Variants in PPFIBP1 observed in about 807,000 individuals in gnomAD.
PPFIBP1 encodes the protein PPFIB scaffold protein 1, also known as liprin-beta-1.
In PPFIBP1, 112 loss-of-function variants were observed where a neutral mutation model predicts 137.8. The ratio of observed to expected loss-of-function variants is 0.81; its 90% CI spans 0.70 to 0.95. The LOEUF (loss-of-function observed/expected upper bound fraction) is 0.95. PPFIBP1 is among the 40% of genes least tolerant of loss of function. PPFIBP1 has a pLI of 0.00. For missense variants in PPFIBP1, 1,083 were observed against 1,196.6 expected, an observed-to-expected ratio of 0.91 and a Z score of 1.40; for synonymous variants, 378 against 417.3, an observed-to-expected ratio of 0.91 and a Z score of 1.15.
intron 1 of PPFIBP1, among the ~76,000 whole-genome samples, chr12:27,569,482 G>C (rs1338393115): frequency 1.3e-5 from 2 of 152,090 alleles, no homozygotes; most frequent in South Asian, 2.1e-4. Context: ...CTGGCTCTCT[G>C]TCAAAAAGTC....
intron 2 of PPFIBP1, among the ~76,000 whole-genome samples, chr12:27,603,431 T>C (rs2054203395): frequency 6.6e-6 from 1 of 152,228 alleles, no homozygotes; most frequent in South Asian, 2.1e-4. Flanking sequence ...GTTTGTATTT[T>C]ATTCTAAAAT....
intron 2 of PPFIBP1, chr12:27,599,406 G>A (rs1279787876): frequency 4.4e-6 from 2 of 455,128 alleles, no homozygotes; most frequent in Non-Finnish European, 8.8e-6. Flanking sequence ...TCAGACTGGA[G>A]CTATACCCTT....
At chr12:27,597,861 GTGGCA>G (rs1489136773) in intron 2 of PPFIBP1, among the ~76,000 whole-genome samples, 2 of 152,126 alleles carry the variant, frequency 1.3e-5, no homozygotes, top group Non-Finnish European at 2.9e-5. Context: ...CTGGAGTGCA[GTGGCA>G]TGATCTCCAG....
intron 10 of PPFIBP1, among the ~76,000 whole-genome samples, chr12:27,659,600 G>T (rs1474796891): frequency 6.6e-6 from 1 of 151,736 alleles, no homozygotes; most frequent in Non-Finnish European, 1.5e-5. Context: ...GTTTGAGGCT[G>T]CAGTGAGCTA....
chr12:27,639,372 G>A lies in PPFIBP1; in HGVS notation c.270+4257G>A, dbSNP rs553950620. Among the ~76,000 whole-genome samples the A allele has an allele frequency of 5.3e-5, 8 of 152,284 alleles. No individual in the cohort carries two copies. In the South Asian group the frequency reaches 1.0e-3, roughly 20 times the overall value. On this transcript the variant is annotated intron_variant, in intron 4 of 29. Transcript: ENST00000228425. ...TTTAAGAAGGAAAATGGAAAAATACGTCTAATTGTTTGAGTTAAGCAAGTA... is the reference window on the plus strand; with the variant it reads ...TTTAAGAAGGAAAATGGAAAAATACATCTAATTGTTTGAGTTAAGCAAGTA...
intron 4 of PPFIBP1, among the ~76,000 whole-genome samples, chr12:27,639,120 G>C (rs1344236108): frequency 6.6e-6 from 1 of 152,120 alleles, no homozygotes; most frequent in Non-Finnish European, 1.5e-5. Flanking sequence ...TTACAGTGAG[G>C]GGACATTAAA....
At chr12:27,578,634 A>G (rs563931349) in intron 2 of PPFIBP1, among the ~76,000 whole-genome samples, 404 of 152,292 alleles carry the variant, frequency 2.7e-3, no homozygotes, top group African/African-American at 9.0e-3. Context: ...TTAATGACCC[A>G]GTAGGCTTAG....
Position 27,694,635 on chromosome 12 carries a change from A to G in PPFIBP1, c.*1753A>G, listed in dbSNP as rs2061693696. 3 of 152,248 alleles carry G rather than the reference A, an allele frequency of 2.0e-5. No homozygotes were observed. Among genetic ancestry groups the G allele is most frequent in the Non-Finnish European group, 4.4e-5 (3 of 68,042 alleles). 9.4% of individuals were successfully genotyped at this position (152,248 alleles called of 1,614,324 possible). ...TAAGATGTAGTTCATGTTTTTCTGT[A>G]GCACTGGGCCCAAATATTCTTTGTA... On this transcript the variant is annotated 3_prime_UTR_variant, in exon 30 of 30. Coordinates refer to ENST00000228425, the MANE Select transcript of PPFIBP1 (RefSeq NM_003622.4).
chr12:27,638,107 T>A (rs12300746), intron 4 of PPFIBP1, among the ~76,000 whole-genome samples: 89,261 of 151,852 alleles, frequency 0.59, 26,768 homozygotes, highest in Admixed American at 0.65. Context: ...TCAGTTTTGC[T>A]AGATGAAAAG....
chr12:27,663,332 C>T (rs1057142037), intron 11 of PPFIBP1, among the ~76,000 whole-genome samples: 3 of 152,306 alleles, frequency 2.0e-5, no homozygotes, highest in Non-Finnish European at 4.4e-5. Context: ...TTTCATAACA[C>T]AGTTGAGCAC....
At chr12:27,568,403 T>G (rs1436728220) in intron 1 of PPFIBP1, among the ~76,000 whole-genome samples, 1 of 152,208 alleles carries the variant, frequency 6.6e-6, no homozygotes, top group Non-Finnish European at 1.5e-5. Context: ...ATATTAAGCT[T>G]AGGATAGTGT....
At chr12:27,624,998 C>T (rs551862114) in intron 2 of PPFIBP1, among the ~76,000 whole-genome samples, 91 of 152,286 alleles carry the variant, frequency 6.0e-4, no homozygotes, top group Non-Finnish European at 1.1e-3. Context: ...CAACTGGGTG[C>T]AGTGGCTCAC....
intron 1 of PPFIBP1, chr12:27,552,411 T>G (rs1473715620): frequency 6.6e-6 from 1 of 152,282 alleles, no homozygotes; most frequent in African/African-American, 2.4e-5. Context: ...TGTCTTGAAC[T>G]GCAGTCAGGA....
chr12:27,626,348 G>A (rs1315466067), intron 2 of PPFIBP1, among the ~76,000 whole-genome samples: 5 of 152,120 alleles, frequency 3.3e-5, no homozygotes, highest in South Asian at 2.1e-4. Flanking sequence ...AAGCTGAGGC[G>A]TGGGGAGAGG....
chr12:27,648,251 T>C (rs2058664141), intron 6 of PPFIBP1, among the ~76,000 whole-genome samples: 1 of 152,114 alleles, frequency 6.6e-6, no homozygotes, highest in Non-Finnish European at 1.5e-5. Context: ...GAAAAGGTGC[T>C]CAACATCATT....
chr12:27,601,621 T>C (rs2054002687), intron 2 of PPFIBP1, among the ~76,000 whole-genome samples: 1 of 152,218 alleles, frequency 6.6e-6, no homozygotes, highest in African/African-American at 2.4e-5. Flanking sequence ...GGACCTAGAT[T>C]CGCCTCCAGA....
intron 4 of PPFIBP1, among the ~76,000 whole-genome samples, chr12:27,644,004 C>T (rs1268195068): frequency 6.6e-6 from 1 of 150,838 alleles, no homozygotes; most frequent in Non-Finnish European, 1.5e-5. Context: ...ACTTCCATAT[C>T]ATACAAAGTA....
intron 1 of PPFIBP1, among the ~76,000 whole-genome samples, chr12:27,542,700 A>G (rs1194381715): frequency 2.0e-5 from 3 of 152,172 alleles, no homozygotes; most frequent in Non-Finnish European, 2.9e-5. Flanking sequence ...TATCTGATCT[A>G]TTTATTTTTC....
At chr12:27,533,311 G>A (rs1256223766) in intron 1 of PPFIBP1, among the ~76,000 whole-genome samples, 1 of 152,112 alleles carries the variant, frequency 6.6e-6, no homozygotes, top group African/African-American at 2.4e-5. Context: ...GTTTTTAGGA[G>A]AATAACAATA....
Sources: allele counts gnomAD v4.1 joint callset (sites outside exome capture counted in the v4.1 genomes callset), GRCh38; gene constraint gnomAD v4.1.1; transcripts MANE v1.5; gene names NCBI Gene and HGNC (gene_info 2026-07-23, HGNC 2026-07-21).